Variants in TATDN3 observed in about 807,000 individuals in gnomAD.
The protein encoded by TATDN3 is deoxyribonuclease TATDN3.
A neutral mutation model predicts 40.1 loss-of-function variants in TATDN3; 29 were observed. That is an observed-to-expected ratio of 0.72 (90% CI 0.54 to 0.99). The LOEUF is 0.99. TATDN3 is among the 50% of genes least tolerant of loss of function. The pLI, the probability that TATDN3 is intolerant of heterozygous loss-of-function variation, is 0.00. For missense variants in TATDN3, 309 were observed against 321.9 expected, an observed-to-expected ratio of 0.96 and a Z score of 0.31; for synonymous variants, 105 against 117.0, an observed-to-expected ratio of 0.90 and a Z score of 0.66.
chr1:212,806,815 T>TACACAC (rs1558083897), intron 7 of TATDN3, among the ~76,000 whole-genome samples: 1 of 120,194 alleles, frequency 8.3e-6, no homozygotes, highest in Admixed American at 8.6e-5. Context: ...TACACATATA[T>TACACAC]ACACATATAT....
chr1:212,799,802 G>C (rs112228371), intron 4 of TATDN3, among the ~76,000 whole-genome samples: 3,464 of 152,282 alleles, frequency 0.023, 62 homozygotes, highest in South Asian at 0.041. Context: ...GCCTCCCAAA[G>C]TGCTGGGATT....
intron 8 of TATDN3, among the ~76,000 whole-genome samples, chr1:212,810,041 TAAA>T (rs1023980771): frequency 6.6e-6 from 1 of 151,028 alleles, no homozygotes; most frequent in Non-Finnish European, 1.5e-5. Context: ...CATTAATTAA[TAAA>T]AAAATAAAAT....
In TATDN3 at chr1:212,794,963, C is replaced by T. The variant is rs115424652; in HGVS notation, c.67-132C>T. 3.9e-3 allele frequency: 2,815 copies of T among 717,090 alleles called. 43 individuals are homozygous for T. The African/African-American group carries it at 0.045, about 11-fold the overall frequency. The allele number at this position is 717,090 out of a possible 1,614,324, so 44.4% of individuals were successfully genotyped here. ...AACAGGAAGTGGGTCAGTGTAGGCT[C>T]TTTGTTTTCCACCACTCCATTAGTT... On this transcript the variant is annotated intron_variant, in intron 1 of 9. Coordinates refer to ENST00000366974, the MANE Select transcript of TATDN3 (RefSeq NM_001042552.3).
chr1:212,802,839 G>A (rs1384695507), intron 5 of TATDN3, 76 bp downstream of exon 5: 4 of 1,031,478 alleles, frequency 3.9e-6, no homozygotes, highest in African/African-American at 3.2e-5. Flanking sequence ...CTTTAGTTCA[G>A]TATTGGTGAT....
At chr1:212,805,939 T>C (rs72743907) in intron 7 of TATDN3, among the ~76,000 whole-genome samples, 17 of 122,616 alleles carry the variant, frequency 1.4e-4, no homozygotes, top group Non-Finnish European at 1.8e-4. Context: ...CATACACACA[T>C]ACATATAAGC....
At chr1:212,807,695 G>T in intron 7 of TATDN3, 41 bp from the exon 8 acceptor site, 1 of 1,426,124 alleles carries the variant, frequency 7.0e-7, no homozygotes, top group Non-Finnish European at 9.7e-7. Flanking sequence ...TGATTGATGG[G>T]ACATAAAATG....
In TATDN3 at chr1:212,806,783, T is replaced by TATATATACAC. The variant is rs796710955; in HGVS notation, c.488-952_488-951insTATATACACA. ...ATATATATATATATATATATATATA[T>TATATATACAC]ACACACACACACACACATATATACA... On this transcript the variant is annotated intron_variant, in intron 7 of 9. Coordinates refer to ENST00000366974, the MANE Select transcript of TATDN3 (RefSeq NM_001042552.3). 1.2e-3 allele frequency among the ~76,000 whole-genome samples: 97 copies of TATATATACAC among 79,516 alleles called. 10 individuals are homozygous for TATATATACAC. Among genetic ancestry groups the TATATATACAC allele is most frequent in the South Asian group, 4.7e-3 (10 of 2,138 alleles). The allele number at this position is 79,516 out of a possible 152,430, so 52.2% of individuals were successfully genotyped here.
chr1:212,805,536 G>A (rs997612893), intron 7 of TATDN3, among the ~76,000 whole-genome samples: 5 of 152,122 alleles, frequency 3.3e-5, no homozygotes, highest in Non-Finnish European at 7.3e-5. Flanking sequence ...GATTACAGGC[G>A]TGAGCGACTG....
In TATDN3 at chr1:212,802,722, A is replaced by G; in HGVS notation, c.280A>G (p.Ile94Val). Reference protein sequence around the residue: ...TLKDLDVALPIIENYKDRLLA... With the variant: ...TLKDLDVALPVIENYKDRLLA... ...CCAGGATTTGGATGTAGCTTTGCCC[A>G]TTATTGAGAATTATAAGGATCGGTT... The change falls in exon 5 of 10, where the codon ATT becomes GTT. Residue 94 changes from isoleucine (I) to valine (V), a missense_variant. By Grantham distance (29) the Ile-to-Val change is conservative. Transcript: ENST00000366974. The G allele has an allele frequency of 6.2e-7, 1 of 1,613,050 alleles. No individual in the cohort carries two copies. Among genetic ancestry groups the G allele is most frequent in the Non-Finnish European group, 8.5e-7 (1 of 1,179,028 alleles).
chr1:212,801,026 C>T (rs1468638757), intron 4 of TATDN3, among the ~76,000 whole-genome samples: 1 of 150,746 alleles, frequency 6.6e-6, no homozygotes, highest in African/African-American at 2.4e-5. Flanking sequence ...GCAACATACA[C>T]AAAAATTTAA....
intron 9 of TATDN3, among the ~76,000 whole-genome samples, chr1:212,814,479 T>C (rs1227098064): frequency 6.6e-6 from 1 of 152,212 alleles, no homozygotes; most frequent in East Asian, 1.9e-4. Flanking sequence ...CTGCCAGTTA[T>C]ACTATGAAAT....
intron 3 of TATDN3, 121 bp downstream of exon 3, chr1:212,796,711 C>A: frequency 1.5e-6 from 1 of 652,172 alleles, no homozygotes; most frequent in Non-Finnish European, 2.5e-6. Context: ...TTTAACATAG[C>A]CCTAAAGAGA....
At chr1:212,806,536 A>G (rs1347798283) in intron 7 of TATDN3, among the ~76,000 whole-genome samples, 2 of 150,074 alleles carry the variant, frequency 1.3e-5, no homozygotes, top group African/African-American at 4.9e-5. Context: ...ACACCCTGCT[A>G]ATTCTTTTGT....
At chr1:212,804,972 T>C (rs1662371240) in intron 7 of TATDN3, among the ~76,000 whole-genome samples, 1 of 152,182 alleles carries the variant, frequency 6.6e-6, no homozygotes, top group Non-Finnish European at 1.5e-5. Flanking sequence ...TTTATTTATT[T>C]ATTTTTTGAG....
chr1:212,806,783 T>TATATATATATATAC lies in TATDN3; in HGVS notation c.488-952_488-951insTATATATATATACA, dbSNP rs796710955. Among the ~76,000 whole-genome samples the TATATATATATATAC allele has an allele frequency of 5.4e-4, 43 of 79,518 alleles. 7 individuals are homozygous for TATATATATATATAC. Among genetic ancestry groups the TATATATATATATAC allele is most frequent in the South Asian group, 9.3e-4 (2 of 2,140 alleles). The allele number at this position is 79,518 out of a possible 152,430, so 52.2% of individuals were successfully genotyped here. A position where few individuals can be genotyped will look rare whatever the true frequency, so the allele number is the denominator to read the frequency against. On this transcript the variant is annotated intron_variant, in intron 7 of 9. Transcript: ENST00000366974. ...ATATATATATATATATATATATATA[T>TATATATATATATAC]ACACACACACACACACATATATACA...
chr1:212,810,688 AAAAC>A (rs930156648), intron 8 of TATDN3, among the ~76,000 whole-genome samples: 39 of 152,176 alleles, frequency 2.6e-4, no homozygotes, highest in African/African-American at 8.9e-4. Context: ...CTGTGTCTCA[AAAAC>A]AAACAAAACC....
rs763557312 is a variant in TATDN3, at chr1:212,804,633, A to G, written c.469A>G (p.Asn157Asp). 3.7e-6 allele frequency: 6 copies of G among 1,613,566 alleles called. No individual in the cohort carries two copies. In the Admixed American group the frequency reaches 1.0e-4, roughly 27 times the overall value. ...ACGCTCTGCTGGAAGACCTACCATCAACCTTTTACAAGAGCAAGGTATTTC... is the reference window on the plus strand; with the variant it reads ...ACGCTCTGCTGGAAGACCTACCATCGACCTTTTACAAGAGCAAGGTATTTC... Reference protein sequence around the residue: ...HSRSAGRPTINLLQEQGAEKV... With the variant: ...HSRSAGRPTIDLLQEQGAEKV... The change falls in exon 7 of 10, where the codon AAC becomes GAC. Residue 157 changes from asparagine to aspartate, a missense_variant. Physicochemically the swap from Asn to Asp is conservative, Grantham distance 23. Coordinates refer to ENST00000366974, the MANE Select transcript of TATDN3 (RefSeq NM_001042552.3).
At chr1:212,797,033 A>G (rs1284800) in intron 3 of TATDN3, 79 bp from the exon 4 acceptor site, 1,091,238 of 1,095,854 alleles carry the variant, frequency 1, 543,434 homozygotes, top group East Asian at 1. Context: ...ACCATGCCCG[A>G]CCTCTACTTA....
Position 212,791,970 on chromosome 1 carries a change from G to A in TATDN3, c.49G>A (p.Ala17Thr). The stretch of plus-strand genomic sequence containing the variant: ...GGTGGACTGTCACTGCCACCTCTCC[G>A]CCCCGGACTTTGACCGCGTATGTGA... ...GLVDCHCHLS[A>T]PDFDRDLDDV... Residue 17 changes from alanine (A) to threonine (T), a missense_variant, in exon 1 of 10, where the codon GCC becomes ACC. Physicochemically the swap from Ala to Thr is moderately conservative, Grantham distance 58. Transcript: ENST00000366974. The A allele has an allele frequency of 2.5e-6, 4 of 1,614,024 alleles. No homozygotes were observed. The highest frequency in any genetic ancestry group is 3.4e-6 in the Non-Finnish European group (4 of 1,179,994).
Sources: gnomAD v4.1 joint callset for allele counts (sites outside exome capture counted in the v4.1 genomes callset) on GRCh38, gnomAD v4.1.1 for gene constraint, MANE v1.5 for transcripts, NCBI Gene and HGNC (gene_info 2026-07-23, HGNC 2026-07-21) for gene names.